The following BTBD10 variants were observed in gnomAD, a reference collection of about 807,000 sequenced individuals.
BTBD10 encodes the protein BTB/POZ domain-containing protein 10.
In BTBD10, 21 loss-of-function variants were observed where a neutral mutation model predicts 53.2. That is an observed-to-expected ratio of 0.39 (90% CI 0.28 to 0.57). BTBD10 has a LOEUF of 0.57. BTBD10 is among the 20% of genes least tolerant of loss of function. The probability of loss-of-function intolerance (pLI) is 0.53; values close to 1 mark genes in which losing one functional copy is unlikely to be tolerated. For synonymous variants in BTBD10, 149 were observed against 192.7 expected, an observed-to-expected ratio of 0.77 and a Z score of 1.88; for missense variants, 360 against 594.7, an observed-to-expected ratio of 0.61 and a Z score of 4.10.
At chr11:13,420,503 T>C (rs1950222894) in intron 3 of BTBD10, among the ~76,000 whole-genome samples, 2 of 152,112 alleles carry the variant, frequency 1.3e-5, no homozygotes, top group Non-Finnish European at 2.9e-5. Context: ...GATGTTCTAA[T>C]AGTCTACAAA....
At chr11:13,441,220 CTTT>C (rs1950642938) in intron 2 of BTBD10, among the ~76,000 whole-genome samples, 1 of 152,046 alleles carries the variant, frequency 6.6e-6, no homozygotes, top group South Asian at 2.1e-4. Context: ...AGACTAGTTT[CTTT>C]AACTGTAAAC....
At chr11:13,411,833 CTTT>C (rs749745152) in intron 6 of BTBD10, among the ~76,000 whole-genome samples, 2 of 143,046 alleles carry the variant, frequency 1.4e-5, no homozygotes, top group African/African-American at 2.6e-5. Flanking sequence ...TCAACTAAAA[CTTT>C]TTTTTTTTTT....
intron 5 of BTBD10, among the ~76,000 whole-genome samples, chr11:13,415,994 G>T (rs1339457335): frequency 6.6e-6 from 1 of 151,044 alleles, no homozygotes; most frequent in Non-Finnish European, 1.5e-5. Context: ...TACAAGTAGG[G>T]ACTCTGTGTG....
chr11:13,435,561 C>T (rs550283043), intron 2 of BTBD10, among the ~76,000 whole-genome samples: 1 of 152,242 alleles, frequency 6.6e-6, no homozygotes, highest in South Asian at 2.1e-4. Flanking sequence ...GGCGCACTCT[C>T]GGCTCACTGC....
chr11:13,452,416 G>A (rs1950880186), intron 1 of BTBD10, among the ~76,000 whole-genome samples: 1 of 152,138 alleles, frequency 6.6e-6, no homozygotes. Context: ...AAAACTGACA[G>A]AACTGTATAT....
At chr11:13,444,106 G>A (rs1312609565) in intron 2 of BTBD10, among the ~76,000 whole-genome samples, 1 of 151,950 alleles carries the variant, frequency 6.6e-6, no homozygotes, top group Non-Finnish European at 1.5e-5. Flanking sequence ...CAATAAAAGT[G>A]AACATATTAT....
At chr11:13,450,313 G>A (rs1331215726) in intron 1 of BTBD10, among the ~76,000 whole-genome samples, 1 of 152,130 alleles carries the variant, frequency 6.6e-6, no homozygotes, top group African/African-American at 2.4e-5. Context: ...GAGCCCCAAA[G>A]AGCAAATTAA....
At chr11:13,423,388 T>C (rs1285190300) in intron 2 of BTBD10, among the ~76,000 whole-genome samples, 1 of 152,128 alleles carries the variant, frequency 6.6e-6, no homozygotes, top group Non-Finnish European at 1.5e-5. Context: ...TTTTCTAAGG[T>C]GAATAGGTGA....
chr11:13,444,891 G>C, intron 2 of BTBD10, 133 bp downstream of exon 2: 3 of 528,050 alleles, frequency 5.7e-6, no homozygotes, highest in Non-Finnish European at 6.7e-6. Flanking sequence ...TATGGAGACA[G>C]ATAAACATTC....
Position 13,419,743 on chromosome 11 carries a change from G to A in BTBD10, c.301C>T (p.Arg101Ter), listed in dbSNP as rs1256817667. The A allele has an allele frequency of 1.9e-6, 3 of 1,566,682 alleles. No homozygotes were observed. The highest frequency in any genetic ancestry group is 1.7e-6 in the Non-Finnish European group (2 of 1,156,250). ...CGAGAGGAACTGTGATCTTTTTCTC[G>A]TTCTGAAATAAAGATGTTAGACGAA... ...TSPTRQHHVE[R>*]EKDHSSSRPS... Residue 101 changes from arginine to a stop codon, truncating the protein, a stop_gained and splice_region_variant, in exon 4 of 9, where the codon CGA becomes TGA. Transcript: ENST00000278174. LOFTEE classifies it high-confidence loss of function.
At chr11:13,441,557 C>T (rs1165810960) in intron 2 of BTBD10, among the ~76,000 whole-genome samples, 4 of 152,054 alleles carry the variant, frequency 2.6e-5, no homozygotes. Context: ...CTCAAACTCT[C>T]AAACCTTAAT....
intron 1 of BTBD10, among the ~76,000 whole-genome samples, chr11:13,453,164 T>C (rs72857071): frequency 0.11 from 16,045 of 151,820 alleles, 950 homozygotes; most frequent in Middle Eastern, 0.15. Context: ...CCAGTAAAAA[T>C]AAGATATATA....
Position 13,463,168 on chromosome 11 carries a change from T to G in BTBD10, c.-134A>C, listed in dbSNP as rs1951142339. ...CGGGGCCAGTGACACCTCCACTTCC[T>G]CCTCAGCCAGATCCCTCCGGAGGTG... On this transcript the variant is annotated 5_prime_UTR_variant, in exon 1 of 9. Transcript: ENST00000278174. The G allele has an allele frequency of 6.7e-6, 1 of 148,752 alleles. No homozygotes were observed. Among genetic ancestry groups the G allele is most frequent in the Non-Finnish European group, 1.5e-5 (1 of 67,390 alleles). The allele number at this position is 148,752 out of a possible 1,614,324, so 9.2% of individuals were successfully genotyped here.
At chr11:13,429,455 G>A (rs1164977676) in intron 2 of BTBD10, among the ~76,000 whole-genome samples, 1 of 152,136 alleles carries the variant, frequency 6.6e-6, no homozygotes, top group African/African-American at 2.4e-5. Flanking sequence ...ATAGATCAAT[G>A]AATCAGAATG....
rs139419803 is a variant in BTBD10 at position 13,405,358 on chromosome 11, G to A, written c.1006+301C>T. 5.3e-3 allele frequency: 1,123 copies of A among 212,282 alleles called. 17 individuals carry two copies. Among genetic ancestry groups the A allele is most frequent in the African/African-American group, 0.024 (1,063 of 43,974 alleles). The allele number at this position is 212,282 out of a possible 1,614,324, so 13.1% of individuals were successfully genotyped here. Reference sequence around the variant, plus strand: ...AATACAAAGAAAAAAAATCTATCAAGTTCCAGAGAGTCAACAAATAACTAA... The same window carrying A: ...AATACAAAGAAAAAAAATCTATCAAATTCCAGAGAGTCAACAAATAACTAA... On this transcript the variant is annotated intron_variant, in intron 7 of 8. Coordinates refer to ENST00000278174, the MANE Select transcript of BTBD10 (RefSeq NM_032320.7).
chr11:13,455,512 T>C (rs1281055098), intron 1 of BTBD10, among the ~76,000 whole-genome samples: 1 of 152,242 alleles, frequency 6.6e-6, no homozygotes, highest in Non-Finnish European at 1.5e-5. Context: ...ATGATTAGCA[T>C]TGTTAAGTAA....
At chr11:13,391,219 C>A (rs1219369414) in intron 8 of BTBD10, among the ~76,000 whole-genome samples, 1 of 152,144 alleles carries the variant, frequency 6.6e-6, no homozygotes, top group Non-Finnish European at 1.5e-5. Flanking sequence ...TCATGCTACA[C>A]TCTAACTCTA....
chr11:13,460,518 G>A, intron 1 of BTBD10, among the ~76,000 whole-genome samples: 1 of 152,140 alleles, frequency 6.6e-6, no homozygotes, highest in Non-Finnish European at 1.5e-5. Context: ...ATCCACAAAG[G>A]TCAATTCCAC....
At chr11:13,448,125 AC>A (rs1019064198) in intron 1 of BTBD10, among the ~76,000 whole-genome samples, 14 of 152,140 alleles carry the variant, frequency 9.2e-5, no homozygotes, top group Admixed American at 9.2e-4. Context: ...AGCATTTACT[AC>A]AATATGCCAA....
Sources: gnomAD v4.1 joint callset for allele counts (sites outside exome capture counted in the v4.1 genomes callset) on GRCh38, gnomAD v4.1.1 for gene constraint, MANE v1.5 for transcripts, NCBI Gene and HGNC (gene_info 2026-07-23, HGNC 2026-07-21) for gene names.